Variants in KCNIP4 observed in about 807,000 individuals in gnomAD.
KCNIP4 encodes Kv channel-interacting protein 4.
A neutral mutation model predicts 34.0 loss-of-function variants in KCNIP4; 12 were observed. The ratio of observed to expected loss-of-function variants is 0.35; its 90% CI spans 0.23 to 0.57. KCNIP4 has a LOEUF of 0.57. Ranked by LOEUF, KCNIP4 falls within the 20% of genes least tolerant of loss-of-function variation. The pLI is 0.83. For synonymous variants in KCNIP4, 124 were observed against 102.2 expected (o/e 1.21, Z -1.29); for missense variants, 238 against 311.7 (o/e 0.76, Z 1.78).
rs1457801851 is a variant in KCNIP4, at chr4:21,206,156, A to G, written c.62-323447T>C. 2.0e-5 allele frequency among the ~76,000 whole-genome samples: 3 copies of G among 152,202 alleles called. No homozygotes were observed. In the South Asian group the frequency reaches 6.2e-4, roughly 31 times the overall value. On this transcript the variant is annotated intron_variant, in intron 1 of 8. Transcript: ENST00000382152. ...GCGTCTAGATAAGCTTCACTCCATG[A>G]CAGGTACCAAATAGGTTCATCTTGA...
At chr4:21,879,737 T>C (rs1726354749) in intron 1 of KCNIP4, among the ~76,000 whole-genome samples, 1 of 152,202 alleles carries the variant, frequency 6.6e-6, no homozygotes, top group African/African-American at 2.4e-5. Context: ...ATTTGAATAA[T>C]AATCTATTGA....
intron 3 of KCNIP4, among the ~76,000 whole-genome samples, chr4:20,771,842 T>C (rs1397205011): frequency 1.3e-5 from 2 of 152,136 alleles, no homozygotes; most frequent in African/African-American, 4.8e-5. Context: ...GCTAATTTTT[T>C]TGTATTTTTA....
At chr4:21,015,067 C>A (rs868284687) in intron 1 of KCNIP4, among the ~76,000 whole-genome samples, 2 of 151,932 alleles carry the variant, frequency 1.3e-5, no homozygotes, top group Non-Finnish European at 2.9e-5. Context: ...TTTGAAATAT[C>A]TTAGAAGAAG....
At chr4:21,896,120 C>A (rs539971967) in intron 1 of KCNIP4, among the ~76,000 whole-genome samples, 1 of 152,162 alleles carries the variant, frequency 6.6e-6, no homozygotes, top group African/African-American at 2.4e-5. Flanking sequence ...TTCCTCCTTA[C>A]AACCTCTCTA....
intron 1 of KCNIP4, among the ~76,000 whole-genome samples, chr4:21,150,680 C>T (rs948957223): frequency 2.6e-5 from 4 of 152,148 alleles, no homozygotes; most frequent in African/African-American, 9.7e-5. Flanking sequence ...TGGTTACCCA[C>T]ACAATAAGAA....
At chr4:21,937,933 C>T (rs1166244768) in intron 1 of KCNIP4, among the ~76,000 whole-genome samples, 3 of 152,090 alleles carry the variant, frequency 2.0e-5, no homozygotes, top group Non-Finnish European at 1.5e-5. Flanking sequence ...TCATGCTGTG[C>T]TCTTGATTGA....
chr4:21,602,396 A>C (rs1577674624), intron 1 of KCNIP4, among the ~76,000 whole-genome samples: 1 of 152,074 alleles, frequency 6.6e-6, no homozygotes, highest in African/African-American at 2.4e-5. Context: ...ATACTCAATA[A>C]ATGTATCCTG....
At chr4:20,822,625 T>C (rs1434122074) in intron 3 of KCNIP4, among the ~76,000 whole-genome samples, 2 of 152,188 alleles carry the variant, frequency 1.3e-5, no homozygotes, top group South Asian at 2.1e-4. Context: ...CTCTGAACTT[T>C]AGAATTTTGA....
chr4:20,776,420 G>A (rs1756378010), intron 3 of KCNIP4, among the ~76,000 whole-genome samples: 2 of 152,084 alleles, frequency 1.3e-5, no homozygotes, highest in African/African-American at 2.4e-5. Flanking sequence ...TATCTTTGCT[G>A]GGAGATGAGA....
chr4:21,722,934 C>T lies in KCNIP4; in HGVS notation c.61+225637G>A, dbSNP rs372965790. Reference sequence around the variant, plus strand: ...AGGGAATAGTTTTAAAAAGATTCTCCGTGTTAACAACATGGTAAGGAAAGT... The same window carrying T: ...AGGGAATAGTTTTAAAAAGATTCTCTGTGTTAACAACATGGTAAGGAAAGT... On this transcript the variant is annotated intron_variant, in intron 1 of 8. Transcript: ENST00000382152. Among the ~76,000 whole-genome samples the T allele has an allele frequency of 9.2e-5, 14 of 152,032 alleles. No individual in the cohort carries two copies. The East Asian group carries it at 1.2e-3, about 13-fold the overall frequency.
intron 1 of KCNIP4, among the ~76,000 whole-genome samples, chr4:21,436,544 T>G (rs894802102): frequency 6.6e-6 from 1 of 152,208 alleles, no homozygotes; most frequent in East Asian, 1.9e-4. Context: ...CACATCTCCA[T>G]TCAGGTAAAG....
At chr4:21,019,860 G>A (rs181954584) in intron 1 of KCNIP4, among the ~76,000 whole-genome samples, 1 of 152,230 alleles carries the variant, frequency 6.6e-6, no homozygotes, top group African/African-American at 2.4e-5. Context: ...TGAAAAGGAA[G>A]AGGAAAGAAG....
At chr4:21,721,223 G>A (rs925531815) in intron 1 of KCNIP4, among the ~76,000 whole-genome samples, 13 of 152,144 alleles carry the variant, frequency 8.5e-5, no homozygotes, top group African/African-American at 2.9e-4. Context: ...CAGATCACCT[G>A]GATTTCCACT....
intron 1 of KCNIP4, among the ~76,000 whole-genome samples, chr4:21,247,602 A>T (rs28528979): frequency 7.2e-6 from 1 of 139,526 alleles, no homozygotes; most frequent in African/African-American, 2.7e-5. Flanking sequence ...TACACCACAG[A>T]TGGTATATAT....
chr4:21,931,852 A>G (rs1052644436), intron 1 of KCNIP4, among the ~76,000 whole-genome samples: 1 of 152,130 alleles, frequency 6.6e-6, no homozygotes, highest in African/African-American at 2.4e-5. Context: ...AGGAATCGCC[A>G]CACTGACTTC....
chr4:21,031,468 C>T (rs1350687636), intron 1 of KCNIP4, among the ~76,000 whole-genome samples: 1 of 152,168 alleles, frequency 6.6e-6, no homozygotes, highest in African/African-American at 2.4e-5. Flanking sequence ...CTATCTTTTA[C>T]CTTTACTCCA....
intron 1 of KCNIP4, among the ~76,000 whole-genome samples, chr4:21,133,615 T>A (rs1156641780): frequency 1.3e-5 from 2 of 151,842 alleles, no homozygotes; most frequent in African/African-American, 2.4e-5. Flanking sequence ...TCTATACTGC[T>A]CACTTAGTAA....
chr4:21,213,367 T>A (rs1757358437), intron 1 of KCNIP4, among the ~76,000 whole-genome samples: 1 of 152,142 alleles, frequency 6.6e-6, no homozygotes, highest in Non-Finnish European at 1.5e-5. Context: ...AGTGGTGTGA[T>A]CTTGGCTCAC....
chr4:21,132,853 CAA>C (rs71189683), intron 1 of KCNIP4, among the ~76,000 whole-genome samples: 9,600 of 116,424 alleles, frequency 0.082, 486 homozygotes, highest in African/African-American at 0.17. Flanking sequence ...TACTAAACGA[CAA>C]AAAAAAAAAA....
Sources: allele counts gnomAD v4.1 joint callset (sites outside exome capture counted in the v4.1 genomes callset), GRCh38; gene constraint gnomAD v4.1.1; transcripts MANE v1.5; gene names NCBI Gene and HGNC (gene_info 2026-07-23, HGNC 2026-07-21).